The following UPRT variants were observed in gnomAD, a reference collection of about 807,000 sequenced individuals.
The protein encoded by UPRT is uracil phosphoribosyltransferase homolog.
In UPRT, 5 loss-of-function variants were observed where a neutral mutation model predicts 22.6. That is an observed-to-expected ratio of 0.22 (90% CI 0.12 to 0.47). The LOEUF (loss-of-function observed/expected upper bound fraction) is 0.47. UPRT is among the 20% of genes least tolerant of loss of function. UPRT has a pLI of 0.99. For synonymous variants in UPRT, 77 were observed against 87.7 expected (o/e 0.88, Z 0.68); for missense variants, 181 against 239.9 (o/e 0.75, Z 1.62).
At chrX:75,236,254 C>A (rs1178030803) in intron 4 of UPRT, among the ~76,000 whole-genome samples, 3 of 111,022 alleles carry the variant, frequency 2.7e-5, no homozygotes, top group Admixed American at 9.6e-5. Flanking sequence ...ATGTGAAGGA[C>A]CTCTTCAAGG....
At chrX:75,252,276 A>G (rs2082533365) in intron 4 of UPRT, among the ~76,000 whole-genome samples, 1 of 112,092 alleles carries the variant, frequency 8.9e-6, no homozygotes, top group Non-Finnish European at 1.9e-5. Flanking sequence ...TGAACAGGTA[A>G]CCTACAGAAT....
chrX:75,177,136 G>A (rs2082249826), intron 4 of UPRT, among the ~76,000 whole-genome samples: 2 of 110,521 alleles, frequency 1.8e-5, no homozygotes, highest in Non-Finnish European at 3.8e-5. Context: ...GATCAGAATA[G>A]TTGCGCTCAC....
At chrX:75,256,889 C>CA (rs1377966174) in intron 4 of UPRT, among the ~76,000 whole-genome samples, 5 of 110,512 alleles carry the variant, frequency 4.5e-5, no homozygotes, top group South Asian at 3.8e-4. Flanking sequence ...CAGTTACCAA[C>CA]AAAAAAAAGT....
At chrX:75,230,990 A>G (rs1310936417) in intron 4 of UPRT, among the ~76,000 whole-genome samples, 1 of 110,904 alleles carries the variant, frequency 9.0e-6, no homozygotes, top group Non-Finnish European at 1.9e-5. Flanking sequence ...GAAACAGTCT[A>G]CCCAAATAAG....
chrX:75,241,469 C>T (rs945484568), intron 4 of UPRT, among the ~76,000 whole-genome samples: 4 of 111,453 alleles, frequency 3.6e-5, no homozygotes, highest in African/African-American at 1.3e-4. Flanking sequence ...TTTTACACTG[C>T]TGTTGGGAAT....
intron 1 of UPRT, among the ~76,000 whole-genome samples, chrX:75,286,162 C>A (rs2082678907): frequency 1.8e-5 from 2 of 111,213 alleles, no homozygotes; most frequent in Admixed American, 9.6e-5. Context: ...GAGTTTGAGT[C>A]CATTTAATTC....
intron 2 of UPRT, 80 bp from the exon 3 acceptor site, chrX:75,296,262 C>T: frequency 1.0e-6 from 1 of 997,116 alleles, no homozygotes; most frequent in Non-Finnish European, 1.4e-6. Flanking sequence ...ATGACTCTGC[C>T]TACTGTTCAG....
intron 4 of UPRT, among the ~76,000 whole-genome samples, chrX:75,190,514 A>G (rs1236048783): frequency 9.0e-6 from 1 of 111,189 alleles, no homozygotes; most frequent in African/African-American, 3.3e-5. Flanking sequence ...CCTGAATTTG[A>G]ATATTGGCCT....
At chrX:75,177,483 C>A (rs1223525729) in intron 4 of UPRT, among the ~76,000 whole-genome samples, 1 of 110,646 alleles carries the variant, frequency 9.0e-6, no homozygotes, top group Non-Finnish European at 1.9e-5. Flanking sequence ...CCGACGCATT[C>A]TCAAAAACCT....
At chrX:75,279,548 G>T (rs1470403160) in intron 1 of UPRT, among the ~76,000 whole-genome samples, 1 of 111,753 alleles carries the variant, frequency 8.9e-6, no homozygotes, top group Admixed American at 9.5e-5. Context: ...TGTAGCAATT[G>T]TAATCAGATA....
At chrX:75,234,507 C>A (rs1204871024) in intron 4 of UPRT, among the ~76,000 whole-genome samples, 2 of 111,501 alleles carry the variant, frequency 1.8e-5, no homozygotes, top group Non-Finnish European at 3.8e-5. Flanking sequence ...CACACCACAC[C>A]TATTCCAAAA....
At chrX:75,254,008 G>A (rs1488717496) in intron 4 of UPRT, among the ~76,000 whole-genome samples, 2 of 111,549 alleles carry the variant, frequency 1.8e-5, no homozygotes, top group Non-Finnish European at 3.8e-5. Context: ...GCCTTTGGGA[G>A]CAAGAAATCT....
chrX:75,239,924 C>T (rs1486437288), intron 4 of UPRT, among the ~76,000 whole-genome samples: 2 of 111,125 alleles, frequency 1.8e-5, no homozygotes, highest in South Asian at 3.8e-4. Context: ...CTCAGCAAAA[C>T]TGGCATAAAA....
chrX:75,227,238 T>C (rs1386866588), intron 4 of UPRT, among the ~76,000 whole-genome samples: 1 of 111,757 alleles, frequency 8.9e-6, no homozygotes, highest in Non-Finnish European at 1.9e-5. Context: ...CCACATTTTA[T>C]CAACTATTTA....
At chrX:75,277,109 A>G (rs1310614220) in intron 1 of UPRT, among the ~76,000 whole-genome samples, 1 of 112,370 alleles carries the variant, frequency 8.9e-6, no homozygotes, top group Admixed American at 9.4e-5. Context: ...TTATATGAAT[A>G]TACCACAATT....
intron 4 of UPRT, among the ~76,000 whole-genome samples, chrX:75,186,157 G>T (rs746803475): frequency 2.4e-4 from 27 of 111,107 alleles, no homozygotes; most frequent in South Asian, 3.9e-4. Context: ...TTGTGGGCAT[G>T]TAGTGCTATA....
chrX:75,231,467 A>G (rs2082438235), intron 4 of UPRT, among the ~76,000 whole-genome samples: 1 of 112,622 alleles, frequency 8.9e-6, no homozygotes, highest in Non-Finnish European at 1.9e-5. Context: ...ATGACCAAAC[A>G]TAAGAATAAT....
chrX:75,190,267 G>A (rs1036327664), intron 4 of UPRT, among the ~76,000 whole-genome samples: 11 of 111,624 alleles, frequency 9.9e-5, no homozygotes, highest in African/African-American at 3.3e-5. Flanking sequence ...GAAATTCTGG[G>A]TTGAAAATTC....
At chrX:75,241,054 G>A (rs1423477424) in intron 4 of UPRT, among the ~76,000 whole-genome samples, 1 of 109,298 alleles carries the variant, frequency 9.1e-6, no homozygotes, top group Non-Finnish European at 1.9e-5. Flanking sequence ...AAAGCAAATG[G>A]AACAAAAATA....
Sources: allele counts gnomAD v4.1 joint callset (sites outside exome capture counted in the v4.1 genomes callset), GRCh38; gene constraint gnomAD v4.1.1; transcripts MANE v1.5; gene names NCBI Gene and HGNC (gene_info 2026-07-23, HGNC 2026-07-21).